The following QTMAN variants were observed in gnomAD, a reference collection of about 807,000 sequenced individuals.
The protein encoded by QTMAN is tRNA-queuosine alpha-mannosyltransferase.
the QTMAN span, among the ~76,000 whole-genome samples, chr2:144,263,319 C>T: frequency 1.8e-4 from 28 of 152,120 alleles, no homozygotes; most frequent in African/African-American, 6.3e-4. Flanking sequence ...TATGGGTGAC[C>T]TCTGATGGTC....
the QTMAN span, among the ~76,000 whole-genome samples, chr2:144,291,825 CTT>C: frequency 2.0e-5 from 3 of 152,196 alleles, no homozygotes; most frequent in Non-Finnish European, 4.4e-5. Context: ...CATACTACCA[CTT>C]GTCTGAATCA....
the QTMAN span, among the ~76,000 whole-genome samples, chr2:144,211,761 GA>G: frequency 2.8e-5 from 4 of 144,176 alleles, no homozygotes; most frequent in South Asian, 4.5e-4. Context: ...AAAAGAAAAA[GA>G]AAAAAAAAAC....
the QTMAN span, among the ~76,000 whole-genome samples, chr2:144,159,891 T>C: frequency 5.3e-4 from 81 of 152,246 alleles, no homozygotes; most frequent in Non-Finnish European, 1.1e-3. Flanking sequence ...GGCTTACAAG[T>C]GAGCCAATGT....
chr2:144,287,586 G>A, the QTMAN span, among the ~76,000 whole-genome samples: 3 of 152,078 alleles, frequency 2.0e-5, no homozygotes, highest in African/African-American at 7.2e-5. Context: ...GTTTGCATTA[G>A]TGTAAGACCT....
At chr2:143,974,755 T>C in the QTMAN span, among the ~76,000 whole-genome samples, 10 of 152,224 alleles carry the variant, frequency 6.6e-5, no homozygotes, top group African/African-American at 2.2e-4. Context: ...AACATTTTTA[T>C]AGAAATCACT....
At chr2:144,224,072 A>C in the QTMAN span, among the ~76,000 whole-genome samples, 1 of 152,226 alleles carries the variant, frequency 6.6e-6, no homozygotes, top group African/African-American at 2.4e-5. Context: ...ACAGTCTTCC[A>C]TTTCACTGCC....
At chr2:144,202,329 C>T in the QTMAN span, among the ~76,000 whole-genome samples, 1 of 152,128 alleles carries the variant, frequency 6.6e-6, no homozygotes. Flanking sequence ...TGACTAAGAC[C>T]TTAATAAAAG....
chr2:144,282,865 T>C, the QTMAN span, among the ~76,000 whole-genome samples: 15 of 152,088 alleles, frequency 9.9e-5, no homozygotes, highest in Admixed American at 9.2e-4. Context: ...GAATAGATAA[T>C]GAGTTAATAA....
At chr2:144,020,526 G>A in the QTMAN span, among the ~76,000 whole-genome samples, 2 of 152,220 alleles carry the variant, frequency 1.3e-5, no homozygotes, top group Non-Finnish European at 2.9e-5. Flanking sequence ...TTAAAACAAG[G>A]CACCTATAGA....
chr2:144,254,598 C>G, the QTMAN span, among the ~76,000 whole-genome samples: 1 of 152,120 alleles, frequency 6.6e-6, no homozygotes, highest in Non-Finnish European at 1.5e-5. Flanking sequence ...ATTGGAGGCC[C>G]ACACAAAGTC....
chr2:144,256,486 G>C, the QTMAN span, among the ~76,000 whole-genome samples: 2 of 152,134 alleles, frequency 1.3e-5, no homozygotes, highest in East Asian at 1.9e-4. Context: ...CATGCATAAA[G>C]ACCTCTCAAT....
chr2:144,119,366 GTCTTAGAGTATTCCCT>G, the QTMAN span, among the ~76,000 whole-genome samples: 1 of 152,190 alleles, frequency 6.6e-6, no homozygotes, highest in Non-Finnish European at 1.5e-5. Context: ...GTCAGGCCAT[GTCTTAGAGTATTCCCT>G]GAGATGAAAA....
the QTMAN span, among the ~76,000 whole-genome samples, chr2:144,175,264 T>C: frequency 2.6e-5 from 4 of 152,114 alleles, no homozygotes; most frequent in African/African-American, 7.2e-5. Context: ...GTTCATTAGA[T>C]AGAACTAATA....
At chr2:144,269,954 T>A in the QTMAN span, among the ~76,000 whole-genome samples, 1 of 152,110 alleles carries the variant, frequency 6.6e-6, no homozygotes, top group East Asian at 1.9e-4. Flanking sequence ...TTCACAAATA[T>A]AAGGCAATAA....
At chr2:144,080,898 TTC>T in the QTMAN span, among the ~76,000 whole-genome samples, 4 of 152,200 alleles carry the variant, frequency 2.6e-5, no homozygotes, top group Non-Finnish European at 5.9e-5. Flanking sequence ...AAAAATAATT[TTC>T]TGTTACAACT....
the QTMAN span, among the ~76,000 whole-genome samples, chr2:144,198,865 T>G: frequency 6.6e-6 from 1 of 152,222 alleles, no homozygotes; most frequent in Non-Finnish European, 1.5e-5. Flanking sequence ...AATATGTTCA[T>G]GCTAAACTAA....
the QTMAN span, among the ~76,000 whole-genome samples, chr2:144,112,106 G>A: frequency 6.6e-6 from 1 of 152,148 alleles, no homozygotes; most frequent in Non-Finnish European, 1.5e-5. Flanking sequence ...AGGTTGAAAA[G>A]AATAATCCCT....
the QTMAN span, among the ~76,000 whole-genome samples, chr2:144,305,983 G>C: frequency 6.6e-6 from 1 of 152,140 alleles, no homozygotes; most frequent in Admixed American, 6.6e-5. Flanking sequence ...AGAAGATCAT[G>C]TCATCTACAA....
the QTMAN span, among the ~76,000 whole-genome samples, chr2:144,037,520 A>G: frequency 6.6e-6 from 1 of 152,214 alleles, no homozygotes; most frequent in East Asian, 1.9e-4. Context: ...CGTGTGTCAC[A>G]AAAGCCAGAG....
Sources: gnomAD v4.1 joint callset for allele counts (sites outside exome capture counted in the v4.1 genomes callset) on GRCh38, gnomAD v4.1.1 for gene constraint, MANE v1.5 for transcripts, NCBI Gene and HGNC (gene_info 2026-07-23, HGNC 2026-07-21) for gene names.